MTAP: variants seen among roughly 807,000 people sequenced by gnomAD.
MTAP encodes methylthioadenosine phosphorylase.
MTAP carries 33 observed loss-of-function variants against 33.6 expected under a neutral mutation model. The observed-to-expected ratio is 0.98, with a 90% confidence interval of 0.74 to 1.31. MTAP has a LOEUF of 1.31. MTAP is among the 40% of genes most tolerant of loss of function. MTAP has a pLI of 0.00. For synonymous variants in MTAP, 148 were observed against 125.7 expected (o/e 1.18, Z -1.19); for missense variants, 367 against 360.0 (o/e 1.02, Z -0.16).
chr9:21,843,318 GCACTTAAGTACTC>G (rs1242988628), intron 5 of MTAP, among the ~76,000 whole-genome samples: 1 of 152,114 alleles, frequency 6.6e-6, no homozygotes, highest in Admixed American at 6.6e-5. Context: ...TAATAGTGGG[GCACTTAAGTACTC>G]CACTGACGGC....
intron 1 of MTAP, among the ~76,000 whole-genome samples, chr9:21,905,335 G>A (rs1054455092): frequency 1.3e-5 from 2 of 152,216 alleles, no homozygotes; most frequent in East Asian, 3.9e-4. Context: ...CTAGGGTTTC[G>A]GGGGTTTTTA....
chr9:21,928,049 G>C (rs1818896884), intron 1 of MTAP, among the ~76,000 whole-genome samples: 1 of 152,124 alleles, frequency 6.6e-6, no homozygotes, highest in Non-Finnish European at 1.5e-5. Flanking sequence ...CACCTCTGTG[G>C]GGACTTTACT....
At chr9:21,902,607 C>T (rs1229832572) in intron 1 of MTAP, among the ~76,000 whole-genome samples, 3 of 152,182 alleles carry the variant, frequency 2.0e-5, no homozygotes, top group Admixed American at 6.5e-5. Flanking sequence ...GTTACTTGTT[C>T]CCTTATGAAC....
chr9:21,810,989 C>A (rs1319619131), intron 1 of MTAP, among the ~76,000 whole-genome samples: 3 of 152,086 alleles, frequency 2.0e-5, no homozygotes. Context: ...GCCATGTCAG[C>A]CTAATAATGA....
chr9:21,895,410 C>A (rs1818273985), intron 1 of MTAP, among the ~76,000 whole-genome samples: 1 of 152,198 alleles, frequency 6.6e-6, no homozygotes, highest in Non-Finnish European at 1.5e-5. Context: ...CCAGCATGAG[C>A]AATGCAGAAG....
chr9:21,875,619 C>A (rs533957529), intron 1 of MTAP, among the ~76,000 whole-genome samples: 1 of 152,212 alleles, frequency 6.6e-6, no homozygotes, highest in East Asian at 1.9e-4. Flanking sequence ...ATCTAGCTCC[C>A]ACTTATAAGT....
At position 21,866,286 on chromosome 9, in the gene MTAP, T is replaced by G. The variant is rs1195347596; in HGVS notation, c.*4272T>G. ...TTGTTTATATATTCTGGATACACTC[T>G]TTTTCAGATATGTGTGTTGTGACTA... On this transcript the variant is annotated 3_prime_UTR_variant, in exon 8 of 8. Coordinates refer to ENST00000644715, the MANE Select transcript of MTAP (RefSeq NM_002451.4). 1 of 152,210 alleles carries G rather than the reference T, an allele frequency of 6.6e-6. No individual in the cohort carries two copies. Among genetic ancestry groups the G allele is most frequent in the Non-Finnish European group, 1.5e-5 (1 of 68,032 alleles). 9.4% of individuals were successfully genotyped at this position (152,210 alleles called of 1,614,324 possible). A position where few individuals can be genotyped will look rare whatever the true frequency, so the allele number is the denominator to read the frequency against.
chr9:21,892,031 A>G (rs962527946), intron 1 of MTAP, among the ~76,000 whole-genome samples: 2 of 152,236 alleles, frequency 1.3e-5, no homozygotes, highest in African/African-American at 2.4e-5. Flanking sequence ...ACTAAGCTTC[A>G]TAAGAAAACG....
downstream of MTAP, chr9:21,940,874 T>A (rs1020334693): frequency 9.9e-6 from 3 of 304,116 alleles, no homozygotes; most frequent in African/African-American, 4.5e-5. Context: ...TTGCCAACCA[T>A]TGGTGCTTGA....
chr9:21,865,376 C>T lies in MTAP; in HGVS notation c.*3362C>T, dbSNP rs1211629296. 3 of 927,572 alleles carry T rather than the reference C, an allele frequency of 3.2e-6. No individual in the cohort carries two copies. Among genetic ancestry groups the T allele is most frequent in the Non-Finnish European group, 3.9e-6 (3 of 777,304 alleles). The allele number at this position is 927,572 out of a possible 1,614,324, so 57.5% of individuals were successfully genotyped here. ...ATGTGGAACTGTGAGTTAATTAAACCTCTTTCCTTTATAAATTACCCAGTC... is the reference window on the plus strand; with the variant it reads ...ATGTGGAACTGTGAGTTAATTAAACTTCTTTCCTTTATAAATTACCCAGTC... On this transcript the variant is annotated 3_prime_UTR_variant, in exon 8 of 8. Transcript: ENST00000644715.
At chr9:21,868,310 T>C (rs1274671014), downstream of MTAP, among the ~76,000 whole-genome samples, 1 of 152,194 alleles carries the variant, frequency 6.6e-6, no homozygotes, top group African/African-American at 2.4e-5. Flanking sequence ...GGGCACTATA[T>C]CCAGTTCTGG....
At chr9:21,871,801 A>G (rs572087053), downstream of MTAP, among the ~76,000 whole-genome samples, 7 of 152,312 alleles carry the variant, frequency 4.6e-5, no homozygotes, top group South Asian at 1.5e-3. Flanking sequence ...TTTGTAATAC[A>G]TGATTTTACT....
chr9:21,931,074 T>C (rs1320893288), exon 2 of MTAP: 2 of 764,346 alleles, frequency 2.6e-6, no homozygotes, highest in Non-Finnish European at 4.8e-6. Flanking sequence ...GTCACCCTTC[T>C]ACAGAGGACT....
chr9:21,864,402 G>A lies in MTAP; in HGVS notation c.*2388G>A. 2 of 985,062 alleles carry A rather than the reference G, an allele frequency of 2.0e-6. No homozygotes were observed. The highest frequency in any genetic ancestry group is 2.4e-6 in the Non-Finnish European group (2 of 829,868). The allele number at this position is 985,062 out of a possible 1,614,324, so 61.0% of individuals were successfully genotyped here. On this transcript the variant is annotated 3_prime_UTR_variant, in exon 8 of 8. Transcript: ENST00000644715. The stretch of plus-strand genomic sequence containing the variant: ...TACTAAGTGAACACCATGGTCAGTT[G>A]TGAGCATTTTGGTTTCCGCAAAGGA...
intron 1 of MTAP, among the ~76,000 whole-genome samples, chr9:21,885,366 G>A (rs1818091825): frequency 6.6e-6 from 1 of 152,172 alleles, no homozygotes. Flanking sequence ...ATAACCTAAA[G>A]GTTCTGGGCA....
chr9:21,870,480 G>A (rs1825920300), downstream of MTAP, among the ~76,000 whole-genome samples: 2 of 152,124 alleles, frequency 1.3e-5, no homozygotes, highest in African/African-American at 4.8e-5. Flanking sequence ...GCAAAGCCGT[G>A]TATGTTCTGA....
At chr9:21,808,427 A>C (rs1563828242) in intron 1 of MTAP, among the ~76,000 whole-genome samples, 1 of 151,864 alleles carries the variant, frequency 6.6e-6, no homozygotes, top group Non-Finnish European at 1.5e-5. Context: ...TCTGCAAAAA[A>C]AAAAAACAAA....
chr9:21,809,708 T>C (rs1383632790), intron 1 of MTAP, among the ~76,000 whole-genome samples: 2 of 152,158 alleles, frequency 1.3e-5, no homozygotes, highest in Admixed American at 1.3e-4. Flanking sequence ...GAGGGCACTT[T>C]AGAACCACCT....
At chr9:21,934,750 G>C (rs1245489330), downstream of MTAP, 7 of 151,680 alleles carry the variant, frequency 4.6e-5, no homozygotes, top group East Asian at 1.3e-3. This position sits in a 1 kb window ranked among gnomAD's most constrained non-coding sequence, Gnocchi z 5.0. Flanking sequence ...GCCCAGGCTG[G>C]AATGCAGTGG....
Sources: allele counts gnomAD v4.1 joint callset (sites outside exome capture counted in the v4.1 genomes callset), GRCh38; gene constraint gnomAD v4.1.1; non-coding constraint Gnocchi (gnomAD v3.1); transcripts MANE v1.5; gene names NCBI Gene and HGNC (gene_info 2026-07-23, HGNC 2026-07-21).